The following THSD7B variants were observed in gnomAD, a reference collection of about 807,000 sequenced individuals.
THSD7B encodes thrombospondin type-1 domain-containing protein 7B.
THSD7B carries 138 observed loss-of-function variants against 213.6 expected under a neutral mutation model. That is an observed-to-expected ratio of 0.65 (90% CI 0.56 to 0.74). THSD7B has a LOEUF of 0.74. Ranked by LOEUF, THSD7B falls within the 30% of genes least tolerant of loss-of-function variation. The pLI, the probability that THSD7B is intolerant of heterozygous loss-of-function variation, is 0.00. For missense variants in THSD7B, 1,931 were observed against 1,991.5 expected (o/e 0.97, Z 0.58); for synonymous variants, 742 against 687.0 (o/e 1.08, Z -1.25).
At chr2:137,118,456 A>G (rs1029202374) in intron 5 of THSD7B, among the ~76,000 whole-genome samples, 2 of 152,218 alleles carry the variant, frequency 1.3e-5, no homozygotes, top group Non-Finnish European at 1.5e-5. Flanking sequence ...GATATGTCAT[A>G]TATTGGTATA....
chr2:137,557,626 T>C (rs915629566), intron 15 of THSD7B, among the ~76,000 whole-genome samples: 1 of 151,932 alleles, frequency 6.6e-6, no homozygotes, highest in African/African-American at 2.4e-5. Flanking sequence ...AGATCTAAAA[T>C]TGACACCCTA....
chr2:137,643,175 T>C (rs1452964118), intron 21 of THSD7B, among the ~76,000 whole-genome samples: 2 of 152,182 alleles, frequency 1.3e-5, no homozygotes, highest in East Asian at 3.9e-4. Context: ...CCTAACAACA[T>C]CCTAGTATAT....
chr2:137,216,204 T>C (rs768162859), intron 7 of THSD7B, among the ~76,000 whole-genome samples: 1 of 152,056 alleles, frequency 6.6e-6, no homozygotes, highest in Non-Finnish European at 1.5e-5. Flanking sequence ...ACATACTTAC[T>C]GCTTTGCACA....
intron 5 of THSD7B, among the ~76,000 whole-genome samples, chr2:137,158,001 G>A (rs1679942833): frequency 6.6e-6 from 1 of 152,282 alleles, no homozygotes; most frequent in East Asian, 1.9e-4. Context: ...AAGCCATCCA[G>A]CTATGCAGCT....
chr2:137,582,293 T>C (rs1681597379), intron 17 of THSD7B, among the ~76,000 whole-genome samples: 3 of 152,196 alleles, frequency 2.0e-5, no homozygotes, highest in East Asian at 1.9e-4. Context: ...AGTTTCAACA[T>C]TTTATATTCT....
intron 12 of THSD7B, among the ~76,000 whole-genome samples, chr2:137,324,411 C>A (rs1684323479): frequency 1.3e-5 from 2 of 152,052 alleles, no homozygotes; most frequent in African/African-American, 4.8e-5. Context: ...ATGTAGTCAG[C>A]CAATAATTAA....
intron 2 of THSD7B, among the ~76,000 whole-genome samples, chr2:137,013,466 C>T (rs1686276802): frequency 6.6e-6 from 1 of 152,036 alleles, no homozygotes; most frequent in Admixed American, 6.5e-5. Context: ...GGATAGGGTA[C>T]AAGAAAGGAG....
chr2:137,200,573 CATAA>C (rs1680854830), intron 7 of THSD7B, among the ~76,000 whole-genome samples: 1 of 152,042 alleles, frequency 6.6e-6, no homozygotes, highest in African/African-American at 2.4e-5. Context: ...CTAGTACTCA[CATAA>C]ATAAATAGAA....
chr2:137,355,454 C>T (rs1352453719), intron 12 of THSD7B, among the ~76,000 whole-genome samples: 1 of 152,026 alleles, frequency 6.6e-6, no homozygotes, highest in Admixed American at 6.6e-5. Flanking sequence ...AAAGATACGT[C>T]GTAACACCTA....
At chr2:137,446,022 G>GAA (rs56951522) in intron 14 of THSD7B, among the ~76,000 whole-genome samples, 26 of 144,634 alleles carry the variant, frequency 1.8e-4, no homozygotes, top group Admixed American at 9.7e-4. Flanking sequence ...GTTTAGTATT[G>GAA]AAAAAAAAAA....
intron 15 of THSD7B, among the ~76,000 whole-genome samples, chr2:137,546,921 C>T (rs1680752656): frequency 6.6e-6 from 1 of 151,972 alleles, no homozygotes; most frequent in East Asian, 1.9e-4. Flanking sequence ...TACAGGTTAG[C>T]CTTAAATGAA....
chr2:137,286,045 A>C (rs1162047397), intron 12 of THSD7B, among the ~76,000 whole-genome samples: 2 of 151,518 alleles, frequency 1.3e-5, no homozygotes, highest in African/African-American at 4.8e-5. Context: ...TGGAAGTTGC[A>C]GTGAGCCGAG....
chr2:137,601,762 C>T (rs776705067), intron 17 of THSD7B, among the ~76,000 whole-genome samples: 55 of 152,280 alleles, frequency 3.6e-4, no homozygotes, highest in Non-Finnish European at 6.5e-4. Context: ...TAGCATTCTT[C>T]GTCCCTCTTT....
At chr2:137,621,399 T>C (rs1682517282) in intron 20 of THSD7B, among the ~76,000 whole-genome samples, 1 of 152,176 alleles carries the variant, frequency 6.6e-6, no homozygotes, top group Non-Finnish European at 1.5e-5. Context: ...TCACATAATG[T>C]TGTAAAGGAA....
intron 10 of THSD7B, among the ~76,000 whole-genome samples, chr2:137,260,202 G>A (rs1682409433): frequency 6.6e-6 from 1 of 152,156 alleles, no homozygotes; most frequent in Non-Finnish European, 1.5e-5. Context: ...ATAATGGTTA[G>A]ATATTTATTA....
At chr2:137,654,433 T>C (rs1683196265) in intron 21 of THSD7B, among the ~76,000 whole-genome samples, 2 of 152,216 alleles carry the variant, frequency 1.3e-5, no homozygotes, top group Admixed American at 1.3e-4. Flanking sequence ...GGGATGTTTC[T>C]TTCTTCAGGC....
At chr2:137,295,615 AC>A (rs1419896179) in intron 12 of THSD7B, among the ~76,000 whole-genome samples, 1 of 152,014 alleles carries the variant, frequency 6.6e-6, no homozygotes, top group Non-Finnish European at 1.5e-5. Flanking sequence ...AGCTGGGATT[AC>A]AGGCACGTGC....
At chr2:137,243,601 G>A (rs1681962013) in intron 10 of THSD7B, among the ~76,000 whole-genome samples, 1 of 152,230 alleles carries the variant, frequency 6.6e-6, no homozygotes, top group Non-Finnish European at 1.5e-5. Flanking sequence ...AATTCCAGCT[G>A]TGTGCGTCTA....
intron 12 of THSD7B, among the ~76,000 whole-genome samples, chr2:137,292,716 C>T (rs1185269983): frequency 6.6e-6 from 1 of 152,116 alleles, no homozygotes; most frequent in Non-Finnish European, 1.5e-5. Context: ...GGTAACTACC[C>T]ATATTTGTTG....
Sources: allele counts gnomAD v4.1 joint callset (sites outside exome capture counted in the v4.1 genomes callset), GRCh38; gene constraint gnomAD v4.1.1; transcripts MANE v1.5; gene names NCBI Gene and HGNC (gene_info 2026-07-23, HGNC 2026-07-21).